Variants in TSPAN5 observed in about 807,000 individuals in gnomAD.
TSPAN5 encodes tetraspanin-5.
Under a neutral mutation model 37.1 loss-of-function variants are expected in TSPAN5, and 10 were observed. That is an observed-to-expected ratio of 0.27 (90% confidence interval 0.17 to 0.46). The LOEUF is 0.46. TSPAN5 is among the 20% of genes least tolerant of loss of function. The pLI is 1.00. For synonymous variants in TSPAN5, 110 were observed against 118.9 expected (o/e 0.93, Z 0.48); for missense variants, 195 against 326.6 (o/e 0.60, Z 3.11).
intron 2 of TSPAN5, among the ~76,000 whole-genome samples, chr4:98,498,303 G>A (rs989669859): frequency 1.3e-5 from 2 of 152,160 alleles, no homozygotes; most frequent in African/African-American, 4.8e-5. Context: ...CCAAGAGCAG[G>A]GTTCACACCA....
At chr4:98,497,628 C>T (rs1414953369) in intron 2 of TSPAN5, among the ~76,000 whole-genome samples, 1 of 152,180 alleles carries the variant, frequency 6.6e-6, no homozygotes, top group East Asian at 1.9e-4. Flanking sequence ...ATTCTGGGAC[C>T]TCAAAAATAT....
chr4:98,482,214 G>A (rs1022092594), intron 3 of TSPAN5, 39 bp from the exon 4 acceptor site: 3 of 1,590,926 alleles, frequency 1.9e-6, no homozygotes, highest in African/African-American at 2.7e-5. Flanking sequence ...CAGTTATAAG[G>A]GCTATTTTGA....
Position 98,562,103 on chromosome 4 carries a change from C to T in TSPAN5, c.82-54375G>A, listed in dbSNP as rs1040754168. On this transcript the variant is annotated intron_variant, in intron 1 of 7. Transcript: ENST00000305798. ...CCTGCACTTTGCAGATTTTGAATGC[C>T]TAGACATTTGAGGGGAGGGGATGAG... Among the ~76,000 whole-genome samples, 4 of 152,146 alleles carry T rather than the reference C, an allele frequency of 2.6e-5. No homozygotes were observed. In the East Asian group the frequency reaches 5.8e-4, roughly 22 times the overall value.
intron 1 of TSPAN5, among the ~76,000 whole-genome samples, chr4:98,590,702 T>TCC (rs1755606898): frequency 1.4e-5 from 2 of 146,500 alleles, no homozygotes; most frequent in Admixed American, 6.8e-5. Context: ...AGAGCGAGAC[T>TCC]GTCTCAAAAA....
intron 7 of TSPAN5, 23 bp downstream of exon 7, chr4:98,476,166 T>A (rs779092693): frequency 6.4e-7 from 1 of 1,563,216 alleles, no homozygotes; most frequent in Non-Finnish European, 8.8e-7. Context: ...CCCTGTGATA[T>A]CCATAAAGGA....
intron 1 of TSPAN5, among the ~76,000 whole-genome samples, chr4:98,562,065 G>T (rs1754892765): frequency 6.6e-6 from 1 of 152,196 alleles, no homozygotes; most frequent in Admixed American, 6.5e-5. Context: ...AGTCTCCAGT[G>T]CCTAGAACAG....
At chr4:98,651,430 A>T (rs1757183337) in intron 1 of TSPAN5, among the ~76,000 whole-genome samples, 1 of 152,222 alleles carries the variant, frequency 6.6e-6, no homozygotes, top group Non-Finnish European at 1.5e-5. Context: ...CTTGGATGAA[A>T]TCTAAGGATT....
intron 1 of TSPAN5, among the ~76,000 whole-genome samples, chr4:98,509,014 A>G (rs1753543841): frequency 1.3e-5 from 2 of 152,202 alleles, no homozygotes; most frequent in African/African-American, 4.8e-5. Context: ...TTGATGACAC[A>G]TTGTACAGAG....
chr4:98,475,054 T>C (rs1752664741), intron 7 of TSPAN5, among the ~76,000 whole-genome samples: 1 of 152,236 alleles, frequency 6.6e-6, no homozygotes, highest in African/African-American at 2.4e-5. Context: ...CACACTATGT[T>C]GATTACTATA....
intron 1 of TSPAN5, among the ~76,000 whole-genome samples, chr4:98,583,770 A>C (rs923704325): frequency 3.3e-5 from 5 of 152,240 alleles, no homozygotes; most frequent in African/African-American, 4.8e-5. Context: ...CAAGCCTCAC[A>C]GGGTGAGAAA....
intron 1 of TSPAN5, chr4:98,574,973 T>C (rs1755201498): frequency 6.5e-6 from 1 of 154,594 alleles, no homozygotes; most frequent in Admixed American, 6.5e-5. Flanking sequence ...GCTGGAATGT[T>C]CTGGGCCACA....
intron 1 of TSPAN5, among the ~76,000 whole-genome samples, chr4:98,555,398 G>C (rs115332561): frequency 0.02 from 3,051 of 152,208 alleles, 39 homozygotes; most frequent in Non-Finnish European, 0.031. Flanking sequence ...CTACCCTAAG[G>C]GTTTGTTTGA....
Position 98,563,027 on chromosome 4 carries a change from C to A in TSPAN5, c.82-55299G>T, listed in dbSNP as rs966264585. The stretch of plus-strand genomic sequence containing the variant: ...AGGGAATGAAACTGCCCAAACATAG[C>A]CACCACTTACTGCTGTGCAAGCTGT... On this transcript the variant is annotated intron_variant, in intron 1 of 7. Coordinates refer to ENST00000305798, the MANE Select transcript of TSPAN5 (RefSeq NM_005723.4). Among the ~76,000 whole-genome samples the A allele has an allele frequency of 1.8e-4, 28 of 152,112 alleles. 1 individual carries two copies. The highest frequency in any genetic ancestry group is 6.5e-4 in the African/African-American group (27 of 41,410).
chr4:98,513,861 AATAGATAGATAGATAGATAGATAG>A (rs56142906), intron 1 of TSPAN5, among the ~76,000 whole-genome samples: 4 of 149,546 alleles, frequency 2.7e-5, no homozygotes, highest in Admixed American at 6.7e-5. Context: ...ATAAAAAGCA[AATAGATAGATAGATAGATAGATAG>A]ATAGATAGAT....
intron 2 of TSPAN5, among the ~76,000 whole-genome samples, chr4:98,498,524 C>T (rs754795947): frequency 1.3e-5 from 2 of 152,146 alleles, no homozygotes; most frequent in Non-Finnish European, 2.9e-5. Flanking sequence ...CCACCACCGC[C>T]GACAAAGGAC....
At chr4:98,507,654 G>A (rs148415161) in intron 2 of TSPAN5, 24 bp downstream of exon 2, 5 of 1,588,662 alleles carry the variant, frequency 3.1e-6, no homozygotes, top group Admixed American at 3.4e-5. Context: ...CACGATGTGT[G>A]CATTGTCATG....
intron 7 of TSPAN5, among the ~76,000 whole-genome samples, chr4:98,475,790 C>T (rs868734694): frequency 4.7e-4 from 72 of 152,202 alleles, no homozygotes; most frequent in Middle Eastern, 3.4e-3. Flanking sequence ...GAGATCGAGA[C>T]CATCCTAGCT....
intron 1 of TSPAN5, among the ~76,000 whole-genome samples, chr4:98,616,744 C>A (rs1432862729): frequency 6.6e-6 from 1 of 152,116 alleles, no homozygotes; most frequent in Non-Finnish European, 1.5e-5. Context: ...CAGTATTGTT[C>A]CAACAACAAA....
At chr4:98,518,700 G>A (rs1753789860) in intron 1 of TSPAN5, among the ~76,000 whole-genome samples, 1 of 152,232 alleles carries the variant, frequency 6.6e-6, no homozygotes, top group Admixed American at 6.5e-5. Flanking sequence ...CACTAGGCAG[G>A]CTATGGTCCC....
Sources: allele counts gnomAD v4.1 joint callset (sites outside exome capture counted in the v4.1 genomes callset), GRCh38; gene constraint gnomAD v4.1.1; transcripts MANE v1.5; gene names NCBI Gene and HGNC (gene_info 2026-07-23, HGNC 2026-07-21).